The following IRGM variants were observed in gnomAD, a reference collection of about 807,000 sequenced individuals.
The protein encoded by IRGM is immunity-related GTPase family M protein.
For missense variants in IRGM, 288 were observed against 219.9 expected (o/e 1.31, Z -1.96); for synonymous variants, 98 against 80.6 (o/e 1.22, Z -1.16).
chr5:150,896,592 A>G (rs1172067700), intron 3 of IRGM: 1 of 1,613,712 alleles, frequency 6.2e-7, no homozygotes, highest in Admixed American at 1.7e-5. Context: ...TCCACCTCCA[A>G]AACTCTGATC....
intron 3 of IRGM, among the ~76,000 whole-genome samples, chr5:150,884,230 T>G (rs942192259): frequency 1.4e-4 from 21 of 152,202 alleles, no homozygotes; most frequent in African/African-American, 4.6e-4. Flanking sequence ...ATACTTTATA[T>G]TTATACTTTA....
At chr5:150,900,958 A>G (rs745704337), downstream of IRGM, among the ~76,000 whole-genome samples, 3 of 152,118 alleles carry the variant, frequency 2.0e-5, no homozygotes, top group Non-Finnish European at 2.9e-5. Context: ...ATAATCAGTG[A>G]AAAATTATAC....
At chr5:150,892,529 C>T (rs1430858412) in intron 3 of IRGM, among the ~76,000 whole-genome samples, 2 of 152,090 alleles carry the variant, frequency 1.3e-5, no homozygotes, top group African/African-American at 4.8e-5. Flanking sequence ...ACACTTTTAT[C>T]TCTTCCTTTC....
rs1561738941 is a variant in IRGM at position 150,848,415 on chromosome 5, A to G, written c.292A>G (p.Thr98Ala). The stretch of plus-strand genomic sequence containing the variant: ...GGACCTGCCTGGCACAGGGTCTGCC[A>G]CCACAACCCTGGAGAACTACCTGAT... ...LWDLPGTGSATTTLENYLMEM... is the reference protein window; with the variant it reads ...LWDLPGTGSAATTLENYLMEM... The change falls in exon 2 of 2, where the codon ACC becomes GCC. Residue 98 changes from threonine (T) to alanine (A), a missense_variant. Transcript: ENST00000522154. The G allele has an allele frequency of 1.3e-6, 2 of 1,551,860 alleles. No individual in the cohort carries two copies. Among genetic ancestry groups the G allele is most frequent in the Non-Finnish European group, 1.7e-6 (2 of 1,146,990 alleles).
At chr5:150,884,201 A>T (rs938745184) in intron 3 of IRGM, among the ~76,000 whole-genome samples, 9 of 152,034 alleles carry the variant, frequency 5.9e-5, no homozygotes, top group Admixed American at 1.3e-4. Context: ...AATATTTTTC[A>T]TAAGGAAAAA....
chr5:150,876,292 G>A (rs369000166), intron 1 of IRGM, among the ~76,000 whole-genome samples: 160 of 152,292 alleles, frequency 1.1e-3, no homozygotes, highest in African/African-American at 3.7e-3. Context: ...ATCAAGGGGT[G>A]GAAGTGGAAG....
downstream of IRGM, among the ~76,000 whole-genome samples, chr5:150,852,839 C>T (rs1359104149): frequency 1.3e-5 from 2 of 151,924 alleles, no homozygotes; most frequent in African/African-American, 4.8e-5. Context: ...ATCTCATTTC[C>T]TGGAGAAGTG....
intron 3 of IRGM, among the ~76,000 whole-genome samples, chr5:150,881,771 A>G (rs1754449479): frequency 6.6e-6 from 1 of 152,206 alleles, no homozygotes; most frequent in Admixed American, 6.5e-5. Flanking sequence ...AGAGTTTTTT[A>G]ATGTGATCAA....
intron 1 of IRGM, among the ~76,000 whole-genome samples, chr5:150,869,331 A>T (rs778011775): frequency 1.4e-4 from 21 of 152,158 alleles, no homozygotes; most frequent in Non-Finnish European, 2.8e-4. Context: ...TATGAAACCC[A>T]TTTGATCATG....
rs141911981 is a variant in IRGM, at chr5:150,876,916, C to T, written c.159-1064C>T. Among the ~76,000 whole-genome samples the T allele has an allele frequency of 6.2e-3, 949 of 152,286 alleles. 7 individuals are homozygous for T. The highest frequency in any genetic ancestry group is 0.021 in the African/African-American group (865 of 41,554). ...TTAAGAACATGTTTGTGCATTTATA[C>T]ACTTGTACTAAGAAAATATTTTATT... On this transcript the variant is annotated intron_variant and NMD_transcript_variant, in intron 1 of 3. Coordinates refer to the IRGM transcript ENST00000520549.
chr5:150,873,168 T>C (rs540699094), intron 1 of IRGM, among the ~76,000 whole-genome samples: 83 of 152,346 alleles, frequency 5.4e-4, no homozygotes, highest in Non-Finnish European at 8.7e-4. Flanking sequence ...AGCTCTGGCA[T>C]TGGCTAATTA....
intron 3 of IRGM, chr5:150,897,055 A>C: frequency 9.2e-7 from 1 of 1,090,728 alleles, no homozygotes; most frequent in Non-Finnish European, 1.3e-6. Flanking sequence ...TGGATGATCC[A>C]ACATAGTAGA....
At chr5:150,872,842 A>C (rs1375925090) in intron 1 of IRGM, among the ~76,000 whole-genome samples, 1 of 152,146 alleles carries the variant, frequency 6.6e-6, no homozygotes, top group Non-Finnish European at 1.5e-5. Flanking sequence ...GCTGGAGTGG[A>C]TTAGTCACTT....
chr5:150,898,103 T>C (rs1754860133), intron 3 of IRGM: 5 of 1,613,688 alleles, frequency 3.1e-6, no homozygotes, highest in South Asian at 2.2e-5. Context: ...ATAGATCCAA[T>C]TTGATATGTC....
chr5:150,850,484 C>A (rs1753958929), downstream of IRGM, among the ~76,000 whole-genome samples: 1 of 152,114 alleles, frequency 6.6e-6, no homozygotes, highest in South Asian at 2.1e-4. Flanking sequence ...TGTATATATA[C>A]AATAGTTCTG....
At chr5:150,855,908 G>T (rs111453176) in intron 1 of IRGM, among the ~76,000 whole-genome samples, 14 of 152,116 alleles carry the variant, frequency 9.2e-5, no homozygotes, top group Non-Finnish European at 2.1e-4. Flanking sequence ...TAGACTTTCT[G>T]AAGCATTCTC....
intron 1 of IRGM, among the ~76,000 whole-genome samples, chr5:150,866,860 T>C (rs1754214946): frequency 6.6e-6 from 1 of 152,200 alleles, no homozygotes; most frequent in African/African-American, 2.4e-5. Flanking sequence ...CTAAAATAAT[T>C]TTCATTTCTG....
intron 3 of IRGM, chr5:150,896,088 C>A (rs1356488083): frequency 6.2e-7 from 1 of 1,613,448 alleles, no homozygotes; most frequent in Admixed American, 1.7e-5. Context: ...CCCACACTCT[C>A]TACATTCATA....
chr5:150,896,143 A>C, intron 3 of IRGM: 1 of 1,613,348 alleles, frequency 6.2e-7, no homozygotes, highest in East Asian at 2.2e-5. Context: ...ATGAGGGGTG[A>C]TTTCTGGGAG....
Sources: allele counts gnomAD v4.1 joint callset (sites outside exome capture counted in the v4.1 genomes callset), GRCh38; gene constraint gnomAD v4.1.1; transcripts MANE v1.5; gene names NCBI Gene and HGNC (gene_info 2026-07-23, HGNC 2026-07-21).